The following IFT122 variants were observed in gnomAD, a reference collection of about 807,000 sequenced individuals.
IFT122 encodes the protein intraflagellar transport protein 122 homolog.
In IFT122, 118 loss-of-function variants were observed where a neutral mutation model predicts 161.6. The ratio of observed to expected loss-of-function variants is 0.73; its 90% confidence interval spans 0.63 to 0.85. IFT122 has a LOEUF of 0.85. Ranked by LOEUF, IFT122 falls within the 40% of genes least tolerant of loss-of-function variation. IFT122 has a pLI of 0.00. For missense variants in IFT122, 1,381 were observed against 1,579.6 expected, an observed-to-expected ratio of 0.87 and a Z score of 2.13; for synonymous variants, 550 against 602.4, an observed-to-expected ratio of 0.91 and a Z score of 1.27.
intron 3 of IFT122, 147 bp from the exon 4 acceptor site, chr3:129,458,450 CCA>C: frequency 1.4e-6 from 1 of 693,564 alleles, no homozygotes; most frequent in Non-Finnish European, 2.5e-6. Context: ...TATTCTGACT[CCA>C]AGGTCCTGCC....
At chr3:129,448,537 C>T (rs1356545648) in intron 1 of IFT122, among the ~76,000 whole-genome samples, 1 of 152,168 alleles carries the variant, frequency 6.6e-6, no homozygotes, top group Non-Finnish European at 1.5e-5. Flanking sequence ...TGGCCAGCGC[C>T]ATGTTGCCCG....
chr3:129,519,606 G>A lies in IFT122; in HGVS notation c.3510G>A (p.Arg1170=). The A allele has an allele frequency of 6.2e-7, 1 of 1,613,584 alleles. No homozygotes were observed. The highest frequency in any genetic ancestry group is 2.2e-5 in the East Asian group (1 of 44,884). The change falls in exon 29 of 30, where the codon CGG becomes CGA. Residue 1170 remains arginine, a synonymous_variant. Coordinates refer to ENST00000348417, the MANE Select transcript of IFT122 (RefSeq NM_052989.3). The part of the protein sequence containing the change: ...GSEFVPVVVS[R]LVLRSMSRRD... ...AGTTCGTGCCAGTGGTGGTGAGCCGGCTGGTGCTGCGCTCCATGAGCCGCC... is the reference window on the plus strand; with the variant it reads ...AGTTCGTGCCAGTGGTGGTGAGCCGACTGGTGCTGCGCTCCATGAGCCGCC...
At chr3:129,457,886 T>C in intron 3 of IFT122, 1 of 163,120 alleles carries the variant, frequency 6.1e-6, no homozygotes, top group Admixed American at 6.3e-5. Context: ...CAGGCGCCCG[T>C]CACCAGGCCG....
In IFT122 at chr3:129,464,675, A is replaced by G; in HGVS notation, c.457A>G (p.Asn153Asp). The part of the protein sequence containing the change: ...DGQYLALGMF[N>D]GIISIRNKNG... ...TCAGTACCTGGCGCTGGGGATGTTC[A>G]ATGGGATCATCAGCATACGGAACAA... is the stretch of plus-strand genomic sequence containing the variant. The change falls in exon 7 of 30, where the codon AAT becomes GAT. Residue 153 changes from asparagine to aspartate, a missense_variant. Around this residue, in one of 7 missense-constraint regions of IFT122, gnomAD observed 544 missense variants for 648.0 expected, o/e 0.84. Coordinates refer to ENST00000348417, the MANE Select transcript of IFT122 (RefSeq NM_052989.3). 6.2e-7 allele frequency: 1 copy of G among 1,614,128 alleles called. No homozygotes were observed. Among genetic ancestry groups the G allele is most frequent in the Non-Finnish European group, 8.5e-7 (1 of 1,179,998 alleles).
intron 4 of IFT122, chr3:129,459,253 A>G (rs2075883579): frequency 8.8e-6 from 4 of 452,162 alleles, no homozygotes; most frequent in South Asian, 1.6e-5. Flanking sequence ...ATCGGCCTGT[A>G]AGTTCCATAA....
chr3:129,466,749 T>G (rs1324362114), intron 7 of IFT122, 141 bp from the exon 8 acceptor site: 1 of 772,424 alleles, frequency 1.3e-6, no homozygotes, highest in Admixed American at 1.8e-5. Context: ...GCGATTCACT[T>G]GCCTCGGCCT....
At chr3:129,495,279 C>G (rs1577890452) in intron 17 of IFT122, among the ~76,000 whole-genome samples, 167 bp from the exon 18 acceptor site, 1 of 152,174 alleles carries the variant, frequency 6.6e-6, no homozygotes, top group Non-Finnish European at 1.5e-5. Flanking sequence ...TGTTGTCAAG[C>G]CTTCCCAGCG....
chr3:129,511,786 G>A (rs1453062541), intron 23 of IFT122, among the ~76,000 whole-genome samples: 1 of 152,214 alleles, frequency 6.6e-6, no homozygotes, highest in Non-Finnish European at 1.5e-5. Flanking sequence ...CAGTCAAGCT[G>A]CTGTTGGAAA....
intron 25 of IFT122, chr3:129,514,773 C>T (rs1015124901): frequency 1.6e-6 from 1 of 645,092 alleles, no homozygotes; most frequent in South Asian, 1.8e-5. Flanking sequence ...CAGCCCCCGG[C>T]CCCGGCCTCA....
chr3:129,464,399 G>A (rs538053204), intron 6 of IFT122, among the ~76,000 whole-genome samples: 31 of 152,310 alleles, frequency 2.0e-4, no homozygotes, highest in African/African-American at 7.2e-4. Flanking sequence ...AGGGCTGGGG[G>A]AGCTCAGAAA....
intron 6 of IFT122, among the ~76,000 whole-genome samples, chr3:129,464,370 G>A (rs542132686): frequency 2.6e-5 from 4 of 152,086 alleles, no homozygotes; most frequent in Admixed American, 6.5e-5. Context: ...GCTAAGGGCT[G>A]TCATAGAGGT....
chr3:129,447,758 G>T (rs992267776), intron 1 of IFT122, among the ~76,000 whole-genome samples: 1 of 152,098 alleles, frequency 6.6e-6, no homozygotes, highest in East Asian at 1.9e-4. Context: ...TGATCCGCCC[G>T]CCTCGGCCTC....
chr3:129,479,677 C>T, intron 12 of IFT122, 108 bp from the exon 13 acceptor site: 1 of 1,343,282 alleles, frequency 7.4e-7, no homozygotes, highest in Non-Finnish European at 1.1e-6. Context: ...TAGATGGATA[C>T]TGAATGTGTA....
intron 9 of IFT122, among the ~76,000 whole-genome samples, chr3:129,472,451 C>CAG (rs2077464519): frequency 5.9e-5 from 9 of 152,080 alleles, no homozygotes; most frequent in Admixed American, 5.9e-4. Context: ...AGGTGTGAGC[C>CAG]ACCATATCTG....
intron 22 of IFT122, among the ~76,000 whole-genome samples, chr3:129,507,263 TAGG>T (rs142988936): frequency 3.8e-4 from 58 of 152,294 alleles, no homozygotes; most frequent in African/African-American, 1.3e-3. Context: ...ATGCTTCTGA[TAGG>T]AGCAGCAGAG....
At chr3:129,455,282 C>T (rs2075341938) in intron 3 of IFT122, among the ~76,000 whole-genome samples, 1 of 151,934 alleles carries the variant, frequency 6.6e-6, no homozygotes, top group Non-Finnish European at 1.5e-5. Context: ...AAGTGATTCT[C>T]CTGCCTCAGC....
intron 7 of IFT122, among the ~76,000 whole-genome samples, chr3:129,465,047 AGT>A (rs942884912): frequency 1.3e-5 from 2 of 151,528 alleles, no homozygotes; most frequent in Admixed American, 1.3e-4. Flanking sequence ...GACAGGCCAA[AGT>A]GTGTGTGTGG....
chr3:129,483,743 G>T, intron 15 of IFT122, 61 bp downstream of exon 15: 1 of 1,465,374 alleles, frequency 6.8e-7, no homozygotes, highest in Non-Finnish European at 9.4e-7. Context: ...AGGGAAGCTG[G>T]GCCCTTTGCT....
intron 3 of IFT122, 126 bp downstream of exon 3, chr3:129,452,124 G>A: frequency 1.3e-6 from 1 of 745,814 alleles, no homozygotes; most frequent in Non-Finnish European, 2.4e-6. Context: ...AGACAGTGAA[G>A]TTGCTAAGAC....
Sources: allele counts gnomAD v4.1 joint callset (sites outside exome capture counted in the v4.1 genomes callset), GRCh38; gene constraint gnomAD v4.1.1; regional missense constraint gnomAD v4.1.1; transcripts MANE v1.5; gene names NCBI Gene and HGNC (gene_info 2026-07-23, HGNC 2026-07-21).